Variants in CD160 observed in about 807,000 individuals in gnomAD.
CD160 encodes CD160 antigen.
CD160 carries 11 observed loss-of-function variants against 19.2 expected under a neutral mutation model. The observed-to-expected ratio is 0.57, with a 90% confidence interval of 0.36 to 0.95. The LOEUF is 0.95. CD160 is among the 40% of genes least tolerant of loss of function. The pLI is 0.01. For synonymous variants in CD160, 75 were observed against 81.1 expected, an observed-to-expected ratio of 0.93 and a Z score of 0.40; for missense variants, 182 against 213.2, an observed-to-expected ratio of 0.85 and a Z score of 0.91.
At chr1:145,735,607 C>T (rs184041141) in intron 4 of CD160, among the ~76,000 whole-genome samples, 26 of 151,978 alleles carry the variant, frequency 1.7e-4, no homozygotes, top group African/African-American at 6.0e-4. Flanking sequence ...ACAAAACAAA[C>T]AAACAAACAA....
intron 1 of CD160, among the ~76,000 whole-genome samples, chr1:145,720,606 G>GT (rs1314986690): frequency 1.3e-5 from 2 of 152,160 alleles, no homozygotes; most frequent in African/African-American, 4.8e-5. Flanking sequence ...GTATACAGAG[G>GT]TATTTGTGGA....
chr1:145,736,087 A>C lies in CD160; in HGVS notation c.491A>C (p.Gln164Pro), dbSNP rs1559095947. 1.9e-6 allele frequency: 3 copies of C among 1,614,172 alleles called. No individual in the cohort carries two copies. The Admixed American group carries it at 5.0e-5, about 27-fold the overall frequency. ...GGCACTCTCAGTTCAGGCTTCCTAC[A>C]AGAAAAGGTCTGGGTAATGCTGGTC... ...NEGTLSSGFL[Q>P]EKVWVMLVTS... Residue 164 changes from glutamine to proline, a missense_variant, in exon 5 of 6, where the codon CAA becomes CCA. By Grantham distance (76) the Gln-to-Pro change is moderately conservative (BLOSUM62 -1). Coordinates refer to ENST00000369288, the MANE Select transcript of CD160 (RefSeq NM_007053.4).
intron 2 of CD160, among the ~76,000 whole-genome samples, chr1:145,727,143 A>G (rs781853076): frequency 6.6e-6 from 1 of 152,152 alleles, no homozygotes; most frequent in Non-Finnish European, 1.5e-5. Flanking sequence ...AAAACCTTAA[A>G]TATATTTTTA....
At chr1:145,725,935 T>C (rs149357460) in intron 2 of CD160, among the ~76,000 whole-genome samples, 587 of 152,098 alleles carry the variant, frequency 3.9e-3, no homozygotes, top group Non-Finnish European at 6.2e-3. Flanking sequence ...TGAAAAATGA[T>C]AGAATTAAGG....
Position 145,730,781 on chromosome 1 carries a change from A to T in CD160, c.111A>T (p.Gly37=), listed in dbSNP as rs1553709023. ...TCACCAGCTCAGCTTCCCAGGAAGG[A>T]ACGCGACTAAACTTAATCTGTACTG... ...INITSSASQE[G]TRLNLICTVW... The change falls in exon 4 of 6, where the codon GGA becomes GGT. Residue 37 remains glycine, a synonymous_variant. Coordinates refer to ENST00000369288, the MANE Select transcript of CD160 (RefSeq NM_007053.4). 2 of 1,613,838 alleles carry T rather than the reference A, an allele frequency of 1.2e-6. No individual in the cohort carries two copies. The highest frequency in any genetic ancestry group is 1.7e-6 in the Non-Finnish European group (2 of 1,180,034).
intron 4 of CD160, among the ~76,000 whole-genome samples, chr1:145,734,662 T>C (rs782230241): frequency 1.3e-5 from 2 of 152,194 alleles, no homozygotes; most frequent in South Asian, 2.1e-4. Flanking sequence ...TCCTAATATA[T>C]TGTTTTAGTT....
chr1:145,735,198 A>T (rs1227996520), intron 4 of CD160, among the ~76,000 whole-genome samples: 1 of 152,214 alleles, frequency 6.6e-6, no homozygotes, highest in Middle Eastern at 3.2e-3. Flanking sequence ...GTGATATTAT[A>T]TTATTTAATC....
At chr1:145,737,751 C>CAAAAAAAA (rs35767467) in intron 5 of CD160, 1 of 120,796 alleles carries the variant, frequency 8.3e-6, no homozygotes, top group African/African-American at 2.9e-5. Flanking sequence ...CATCCTAGAG[C>CAAAAAAAA]AAAAAAAAAA....
chr1:145,719,755 G>A (rs1288112936), intron 1 of CD160, among the ~76,000 whole-genome samples, 196 bp downstream of exon 1: 2 of 152,174 alleles, frequency 1.3e-5, no homozygotes, highest in African/African-American at 4.8e-5. Flanking sequence ...TCTTCCATGG[G>A]CATTCAGGAA....
intron 4 of CD160, among the ~76,000 whole-genome samples, chr1:145,735,595 AAACAAAAC>A (rs1454855621): frequency 6.6e-6 from 1 of 151,916 alleles, no homozygotes; most frequent in African/African-American, 2.4e-5. Flanking sequence ...AAAAAAACAA[AAACAAAAC>A]AAACAAACAA....
At chr1:145,736,314 A>C (rs977195518) in intron 5 of CD160, 180 bp downstream of exon 5, 1 of 1,534,070 alleles carries the variant, frequency 6.5e-7, no homozygotes, top group Admixed American at 2.0e-5. Flanking sequence ...CAAAGGCACT[A>C]AGGAGGAAGA....
chr1:145,731,958 G>A (rs74640862), intron 4 of CD160, among the ~76,000 whole-genome samples: 2 of 152,232 alleles, frequency 1.3e-5, no homozygotes, highest in African/African-American at 4.8e-5. Flanking sequence ...AACAGTTACC[G>A]TTTCAAACTG....
Position 145,735,994 on chromosome 1 carries a change from C to A in CD160, c.401-3C>A. On this transcript the variant is annotated splice_polypyrimidine_tract_variant and splice_region_variant and intron_variant, in intron 4 of 5. Coordinates refer to ENST00000369288, the MANE Select transcript of CD160 (RefSeq NM_007053.4). ...CCTGATCCATGATTCTCTTTTGAAC[C>A]AGAGACAGGGAACTACACAGTGACG... 6.2e-7 allele frequency: 1 copy of A among 1,601,312 alleles called. No homozygotes were observed.
At chr1:145,737,813 A>T (rs1008039017) in intron 5 of CD160, 1 of 151,824 alleles carries the variant, frequency 6.6e-6, no homozygotes, top group Non-Finnish European at 1.5e-5. Flanking sequence ...GGTGAAGAGA[A>T]TGAGCTTTTG....
rs145560737 is a variant in CD160, at chr1:145,730,987, A to G, written c.317A>G (p.His106Arg). Reference sequence around the variant, plus strand: ...ACCATAAGCCAAGTCACACCGTTGCACAGTGGGACCTACCAGTGTTGTGCC... The same window carrying G: ...ACCATAAGCCAAGTCACACCGTTGCGCAGTGGGACCTACCAGTGTTGTGCC... Reference protein sequence around the residue: ...MFTISQVTPLHSGTYQCCARS... With the variant: ...MFTISQVTPLRSGTYQCCARS... Residue 106 changes from histidine to arginine, a missense_variant, in exon 4 of 6, where the codon CAC (histidine) becomes CGC (arginine). Transcript: ENST00000369288. 3.8e-5 allele frequency: 61 copies of G among 1,614,078 alleles called. No homozygotes were observed. Among genetic ancestry groups the G allele is most frequent in the Non-Finnish European group, 5.0e-5 (59 of 1,180,028 alleles).
intron 3 of CD160, among the ~76,000 whole-genome samples, 158 bp from the exon 4 acceptor site, chr1:145,730,586 C>A (rs782465845): frequency 3.9e-5 from 6 of 152,190 alleles, no homozygotes; most frequent in Non-Finnish European, 7.3e-5. Context: ...AGTCACACAG[C>A]CATCGATAGA....
In CD160 at chr1:145,736,006, A is replaced by AC. The variant is rs1657471444; in HGVS notation, c.411dup (p.Tyr138LeufsTer13). ...TTCTCTTTTGAACCAGAGACAGGGA[A>AC]CTACACAGTGACGGGATTGAAACAA... On this transcript the variant is annotated frameshift_variant, in exon 5 of 6. Transcript: ENST00000369288. LOFTEE classifies it high-confidence loss of function. The AC allele has an allele frequency of 6.2e-7, 1 of 1,612,214 alleles. No individual in the cohort carries two copies. The highest frequency in any genetic ancestry group is 8.5e-7 in the Non-Finnish European group (1 of 1,178,488).
intron 2 of CD160, among the ~76,000 whole-genome samples, chr1:145,726,900 G>A (rs1057319893): frequency 6.6e-6 from 1 of 152,024 alleles, no homozygotes; most frequent in Admixed American, 6.5e-5. Flanking sequence ...CGGATCAAAA[G>A]AATCAATGTC....
intron 1 of CD160, among the ~76,000 whole-genome samples, chr1:145,719,820 G>A (rs1656757439): frequency 6.6e-6 from 1 of 152,298 alleles, no homozygotes; most frequent in East Asian, 1.9e-4. Context: ...ATTACCAGAG[G>A]AAAGTTACCA....
Sources: allele counts gnomAD v4.1 joint callset (sites outside exome capture counted in the v4.1 genomes callset), GRCh38; gene constraint gnomAD v4.1.1; transcripts MANE v1.5; gene names NCBI Gene and HGNC (gene_info 2026-07-23, HGNC 2026-07-21).